The following TTC6 variants were observed in gnomAD, a reference collection of about 807,000 sequenced individuals.
TTC6 encodes tetratricopeptide repeat domain 6.
Under a neutral mutation model 210.4 loss-of-function variants are expected in TTC6, and 172 were observed. The observed-to-expected ratio is 0.82, with a 90% CI of 0.72 to 0.93. The LOEUF (loss-of-function observed/expected upper bound fraction) is 0.93. Ranked by LOEUF, TTC6 falls within the 40% of genes least tolerant of loss-of-function variation. The pLI, the probability that TTC6 is intolerant of heterozygous loss-of-function variation, is 0.00. For synonymous variants in TTC6, 804 were observed against 819.6 expected, an observed-to-expected ratio of 0.98 and a Z score of 0.32; for missense variants, 2,414 against 2,318.1, an observed-to-expected ratio of 1.04 and a Z score of -0.85.
chr14:37,775,464 C>G (rs1221616557), intron 14 of TTC6, among the ~76,000 whole-genome samples: 1 of 152,112 alleles, frequency 6.6e-6, no homozygotes, highest in Non-Finnish European at 1.5e-5. Context: ...TGTTTGATTT[C>G]TGTCTTAATT....
At chr14:37,635,410 A>C (rs944225533) in intron 1 of TTC6, among the ~76,000 whole-genome samples, 42 of 152,232 alleles carry the variant, frequency 2.8e-4, no homozygotes, top group African/African-American at 9.9e-4. Context: ...AACAGAAAGA[A>C]CAAAAAGAAA....
chr14:37,741,273 C>T (rs1309452397), intron 10 of TTC6, among the ~76,000 whole-genome samples: 1 of 82,276 alleles, frequency 1.2e-5, no homozygotes, highest in African/African-American at 5.6e-5. Context: ...TTTTTTCCCA[C>T]TTTTTTTTTT....
At chr14:37,669,903 G>T (rs1449244209) in intron 1 of TTC6, among the ~76,000 whole-genome samples, 2 of 152,096 alleles carry the variant, frequency 1.3e-5, no homozygotes, top group Admixed American at 1.3e-4. Context: ...AGATTAGGAG[G>T]CTTAAGAGAA....
upstream of TTC6, among the ~76,000 whole-genome samples, chr14:37,617,510 A>G (rs940943420): frequency 7.2e-5 from 11 of 152,144 alleles, no homozygotes; most frequent in Admixed American, 1.3e-4. Flanking sequence ...TTTTACTATT[A>G]TTGATATTAA....
At chr14:37,842,413 A>C (rs748878194) in exon 31 of TTC6, 3 of 786,394 alleles carry the variant, frequency 3.8e-6, no homozygotes, top group Non-Finnish European at 5.4e-6. Flanking sequence ...AGTCTTCCAT[A>C]TAACCTTCTA....
intron 14 of TTC6, among the ~76,000 whole-genome samples, chr14:37,758,057 A>G (rs984839837): frequency 6.6e-6 from 1 of 152,104 alleles, no homozygotes; most frequent in African/African-American, 2.4e-5. Flanking sequence ...GTTTGTTATG[A>G]TTTCCATTCT....
intron 4 of TTC6, among the ~76,000 whole-genome samples, chr14:37,697,975 T>C (rs1280423065): frequency 1.3e-5 from 2 of 152,070 alleles, no homozygotes; most frequent in African/African-American, 4.8e-5. Flanking sequence ...TTAAGAAGAG[T>C]GTGCTATAAA....
intron 3 of TTC6, among the ~76,000 whole-genome samples, chr14:37,692,656 T>G (rs2095806070): frequency 6.6e-6 from 1 of 151,690 alleles, no homozygotes; most frequent in Non-Finnish European, 1.5e-5. Flanking sequence ...GCCAGGAGTT[T>G]GAGACAAGCC....
chr14:37,765,324 A>AT (rs2095995709), intron 14 of TTC6, among the ~76,000 whole-genome samples: 2 of 148,628 alleles, frequency 1.3e-5, no homozygotes, highest in Admixed American at 1.4e-4. Flanking sequence ...CACCACACCT[A>AT]ATTTTTTTTT....
At chr14:37,745,858 A>C (rs926294627) in intron 10 of TTC6, among the ~76,000 whole-genome samples, 1 of 152,152 alleles carries the variant, frequency 6.6e-6, no homozygotes, top group Non-Finnish European at 1.5e-5. Flanking sequence ...GACTTTGCCC[A>C]ACCTTCCTGT....
At chr14:37,728,732 T>G (rs2095878770) in intron 7 of TTC6, among the ~76,000 whole-genome samples, 1 of 152,208 alleles carries the variant, frequency 6.6e-6, no homozygotes, top group Non-Finnish European at 1.5e-5. Context: ...ATTTAAAATT[T>G]CTGTTCTCTT....
chr14:37,826,317 T>A, exon 28 of TTC6: 1 of 1,609,612 alleles, frequency 6.2e-7, no homozygotes, highest in African/African-American at 1.3e-5. Flanking sequence ...ATAATTTTGC[T>A]GCAATGCAGG....
chr14:37,600,140 C>A (rs1432183733), intron 1 of TTC6, among the ~76,000 whole-genome samples: 1 of 152,180 alleles, frequency 6.6e-6, no homozygotes, highest in African/African-American at 2.4e-5. Flanking sequence ...AAACGTGACA[C>A]CTCTTAGGTA....
At chr14:37,787,259 A>C (rs566348721) in intron 14 of TTC6, among the ~76,000 whole-genome samples, 7 of 152,356 alleles carry the variant, frequency 4.6e-5, no homozygotes, top group African/African-American at 1.7e-4. Context: ...GTACCTGATA[A>C]GCATATAATT....
intron 1 of TTC6, among the ~76,000 whole-genome samples, chr14:37,655,772 T>G (rs1017706923): frequency 1.3e-5 from 2 of 152,218 alleles, no homozygotes; most frequent in African/African-American, 4.8e-5. Context: ...ATTTCATTCA[T>G]GGACATTAAT....
intron 7 of TTC6, among the ~76,000 whole-genome samples, chr14:37,734,550 A>G (rs1317325073): frequency 6.6e-6 from 1 of 152,206 alleles, no homozygotes; most frequent in Non-Finnish European, 1.5e-5. Context: ...AATTATATGT[A>G]GCTCTCAGTT....
chr14:37,629,221 A>T (rs1461182862), intron 1 of TTC6, among the ~76,000 whole-genome samples: 2 of 152,040 alleles, frequency 1.3e-5, no homozygotes, highest in East Asian at 1.9e-4. Context: ...CACGATATTG[A>T]TTCTTCCTAT....
chr14:37,795,352 G>C, exon 18 of TTC6: 2 of 1,513,494 alleles, frequency 1.3e-6, no homozygotes, highest in Non-Finnish European at 1.8e-6. Flanking sequence ...TACATAAGAA[G>C]GTATGAGCAT....
chr14:37,662,410 C>T (rs2095739291), intron 1 of TTC6, among the ~76,000 whole-genome samples: 1 of 152,128 alleles, frequency 6.6e-6, no homozygotes, highest in South Asian at 2.1e-4. Flanking sequence ...TTGAGATAAT[C>T]ACATGGTTTT....
Sources: allele counts gnomAD v4.1 joint callset (sites outside exome capture counted in the v4.1 genomes callset), GRCh38; gene constraint gnomAD v4.1.1; transcripts MANE v1.5; gene names NCBI Gene and HGNC (gene_info 2026-07-23, HGNC 2026-07-21).